Variants in PIP5K1B observed in about 807,000 individuals in gnomAD.
PIP5K1B encodes the protein phosphatidylinositol 4-phosphate 5-kinase type-1 beta.
A neutral mutation model predicts 67.0 loss-of-function variants in PIP5K1B; 42 were observed. The ratio of observed to expected loss-of-function variants is 0.63; its 90% CI spans 0.49 to 0.81. PIP5K1B has a LOEUF of 0.81. PIP5K1B is among the 30% of genes least tolerant of loss of function. The probability of loss-of-function intolerance (pLI) is 0.00; values close to 1 mark genes in which losing one functional copy is unlikely to be tolerated. For synonymous variants in PIP5K1B, 214 were observed against 231.4 expected (o/e 0.92, Z 0.68); for missense variants, 459 against 646.3 (o/e 0.71, Z 3.14).
chr9:68,881,162 C>T (rs989242153), intron 6 of PIP5K1B, among the ~76,000 whole-genome samples: 1 of 152,122 alleles, frequency 6.6e-6, no homozygotes, highest in Non-Finnish European at 1.5e-5. Flanking sequence ...GCTTGAAGAC[C>T]CTTCACCAGC....
At chr9:68,722,918 G>A (rs1019311524) in intron 1 of PIP5K1B, among the ~76,000 whole-genome samples, 1 of 151,970 alleles carries the variant, frequency 6.6e-6, no homozygotes, top group Non-Finnish European at 1.5e-5. Context: ...CTGTGTTTTT[G>A]TATCCTTAAC....
chr9:68,868,851 T>A (rs1823484793), intron 5 of PIP5K1B, among the ~76,000 whole-genome samples: 1 of 152,222 alleles, frequency 6.6e-6, no homozygotes, highest in South Asian at 2.1e-4. Context: ...TTTACCCTGA[T>A]GTAAAGATCA....
At chr9:68,772,703 A>G (rs1045523431) in intron 2 of PIP5K1B, among the ~76,000 whole-genome samples, 1 of 152,148 alleles carries the variant, frequency 6.6e-6, no homozygotes, top group Non-Finnish European at 1.5e-5. Context: ...GAACCTTCCA[A>G]TTCATAGTTT....
At chr9:68,871,060 C>T (rs1416173038) in intron 5 of PIP5K1B, among the ~76,000 whole-genome samples, 1 of 152,206 alleles carries the variant, frequency 6.6e-6, no homozygotes, top group Non-Finnish European at 1.5e-5. Context: ...AAAACTAGCA[C>T]TTGGTCATCA....
At chr9:68,742,308 T>C (rs1203550491) in intron 1 of PIP5K1B, 193 bp from the exon 2 acceptor site, 1 of 152,158 alleles carries the variant, frequency 6.6e-6, no homozygotes, top group Non-Finnish European at 1.5e-5. Context: ...CCTTTGAGAG[T>C]TGTGGACCAG....
intron 14 of PIP5K1B, among the ~76,000 whole-genome samples, chr9:68,954,959 A>G (rs1828310112): frequency 6.6e-6 from 1 of 152,238 alleles, no homozygotes; most frequent in African/African-American, 2.4e-5. Flanking sequence ...GAAAGGATGG[A>G]AAAGATGGAA....
intron 15 of PIP5K1B, among the ~76,000 whole-genome samples, chr9:68,994,152 T>C (rs1467014356): frequency 6.6e-6 from 1 of 150,656 alleles, no homozygotes; most frequent in African/African-American, 2.4e-5. Flanking sequence ...GCGATTCTCC[T>C]GCCTCAGCCT....
intron 15 of PIP5K1B, among the ~76,000 whole-genome samples, chr9:68,996,937 T>C (rs898743606): frequency 7.9e-5 from 12 of 152,240 alleles, no homozygotes; most frequent in Non-Finnish European, 1.2e-4. Flanking sequence ...CTCAATAATA[T>C]GTACTTTCAT....
intron 2 of PIP5K1B, among the ~76,000 whole-genome samples, chr9:68,798,773 G>T (rs549582566): frequency 6.6e-6 from 1 of 152,304 alleles, no homozygotes; most frequent in Admixed American, 6.5e-5. Context: ...TCTTTTTTAA[G>T]ACCATTATTG....
At chr9:68,872,529 T>G (rs1169407634) in intron 5 of PIP5K1B, among the ~76,000 whole-genome samples, 1 of 152,204 alleles carries the variant, frequency 6.6e-6, no homozygotes, top group African/African-American at 2.4e-5. Context: ...CTTTTTAAAT[T>G]TATTTAATTT....
chr9:68,727,782 C>A (rs992097765), intron 1 of PIP5K1B: 1 of 152,142 alleles, frequency 6.6e-6, no homozygotes, highest in Admixed American at 6.6e-5. Context: ...GTCTCTCTAC[C>A]CTACAAAACT....
chr9:68,971,401 G>A (rs1289199624), intron 14 of PIP5K1B, among the ~76,000 whole-genome samples: 2 of 152,088 alleles, frequency 1.3e-5, no homozygotes, highest in Non-Finnish European at 2.9e-5. Flanking sequence ...TCATTGATGG[G>A]CATTTCGGTT....
intron 15 of PIP5K1B, among the ~76,000 whole-genome samples, chr9:69,007,701 C>CA (rs1280955001): frequency 1.3e-5 from 2 of 152,070 alleles, no homozygotes; most frequent in Non-Finnish European, 2.9e-5. Context: ...ACTAAAAATA[C>CA]AAAAAATTAG....
chr9:68,887,647 A>G (rs1369194162), intron 6 of PIP5K1B, among the ~76,000 whole-genome samples: 1 of 152,230 alleles, frequency 6.6e-6, no homozygotes, highest in Non-Finnish European at 1.5e-5. Context: ...TGGTGAATGT[A>G]CTAGAGGGGA....
intron 1 of PIP5K1B, among the ~76,000 whole-genome samples, chr9:68,725,334 C>T (rs1828099951): frequency 1.3e-5 from 2 of 152,200 alleles, no homozygotes; most frequent in Non-Finnish European, 2.9e-5. Context: ...CCTATTTGTG[C>T]ATTTTTTCTT....
At chr9:68,756,725 C>T (rs1041702737) in intron 2 of PIP5K1B, among the ~76,000 whole-genome samples, 2 of 152,062 alleles carry the variant, frequency 1.3e-5, no homozygotes, top group African/African-American at 4.8e-5. Context: ...GCTTAAAATA[C>T]TTGTATGCAT....
intron 1 of PIP5K1B, chr9:68,741,645 G>A (rs989445390): frequency 6.6e-6 from 1 of 152,230 alleles, no homozygotes; most frequent in African/African-American, 2.4e-5. Context: ...TGCACAACCA[G>A]GTGAGATGGA....
chr9:68,869,720 G>A (rs961377768), intron 5 of PIP5K1B, among the ~76,000 whole-genome samples: 10 of 152,276 alleles, frequency 6.6e-5, no homozygotes, highest in Middle Eastern at 3.4e-3. Context: ...GCTCACGCCC[G>A]TAATCCCAGC....
chr9:68,800,085 G>C (rs1832518056), intron 2 of PIP5K1B, among the ~76,000 whole-genome samples: 1 of 152,164 alleles, frequency 6.6e-6, no homozygotes, highest in Non-Finnish European at 1.5e-5. Flanking sequence ...GACTTAAATA[G>C]ATATTTTTCC....
Sources: gnomAD v4.1 joint callset for allele counts (sites outside exome capture counted in the v4.1 genomes callset) on GRCh38, gnomAD v4.1.1 for gene constraint, MANE v1.5 for transcripts, NCBI Gene and HGNC (gene_info 2026-07-23, HGNC 2026-07-21) for gene names.